IL20RB: variants seen among roughly 807,000 people sequenced by gnomAD.
IL20RB encodes interleukin 20 receptor subunit beta.
IL20RB carries 21 observed loss-of-function variants against 33.3 expected under a neutral mutation model. That is an observed-to-expected ratio of 0.63 (90% CI 0.45 to 0.91). The LOEUF (loss-of-function observed/expected upper bound fraction) is 0.91. Among genes scored for constraint, IL20RB ranks in the 40% least tolerant of loss-of-function variants. IL20RB has a pLI of 0.00. For synonymous variants in IL20RB, 147 were observed against 146.8 expected, an observed-to-expected ratio of 1.00 and a Z score of -0.01; for missense variants, 345 against 384.8, an observed-to-expected ratio of 0.90 and a Z score of 0.86.
Position 136,957,986 on chromosome 3 carries a change from AC to A in IL20RB, c.-127del, listed in dbSNP as rs1941087433. ...CTGAGCTTCCTGGGCCGGCTCTAGA[AC>A]AATTCAGGCTTCGCTGCGACTCAGA... On this transcript the variant is annotated 5_prime_UTR_variant, in exon 1 of 7. Coordinates refer to ENST00000329582, the MANE Select transcript of IL20RB (RefSeq NM_144717.4). 1.5e-6 allele frequency: 1 copy of A among 649,546 alleles called. No individual in the cohort carries two copies. Among genetic ancestry groups the A allele is most frequent in the Admixed American group, 2.7e-5 (1 of 36,934 alleles). The allele number at this position is 649,546 out of a possible 1,614,324, so 40.2% of individuals were successfully genotyped here.
chr3:136,995,111 G>T (rs1017154245), intron 5 of IL20RB, among the ~76,000 whole-genome samples: 8 of 152,180 alleles, frequency 5.3e-5, no homozygotes, highest in Non-Finnish European at 8.8e-5. Flanking sequence ...TGGCAGTGGT[G>T]CCAAGGTACG....
Position 136,992,013 on chromosome 3 carries a change from G to A in IL20RB, c.607G>A (p.Val203Met), listed in dbSNP as rs139222590. The change falls in exon 5 of 7, where the codon GTG (valine) becomes ATG (methionine). Residue 203 changes from valine to methionine, a missense_variant. Transcript: ENST00000329582. The stretch of plus-strand genomic sequence containing the variant: ...CATGGAGCCAGGGGCTGCATACTGT[G>A]TGAAGGCCCAGACATTCGTGAAGGC... The part of the protein sequence containing the change: ...ETMEPGAAYC[V>M]KAQTFVKAIG... 78 of 1,614,106 alleles carry A rather than the reference G, an allele frequency of 4.8e-5. No individual in the cohort carries two copies. The highest frequency in any genetic ancestry group is 6.4e-5 in the Non-Finnish European group (75 of 1,180,036).
intron 3 of IL20RB, among the ~76,000 whole-genome samples, chr3:136,986,530 G>A (rs537331705): frequency 6.6e-6 from 1 of 152,172 alleles, no homozygotes; most frequent in Admixed American, 6.5e-5. Flanking sequence ...GTGGTGCTAT[G>A]TGGTCATATG....
At chr3:136,973,938 T>C (rs1477588023) in intron 1 of IL20RB, among the ~76,000 whole-genome samples, 3 of 152,198 alleles carry the variant, frequency 2.0e-5, no homozygotes, top group Non-Finnish European at 2.9e-5. Flanking sequence ...TCCCTTTTAG[T>C]CCATATATGT....
At chr3:137,000,766 T>C (rs1266410742) in intron 6 of IL20RB, among the ~76,000 whole-genome samples, 1 of 152,232 alleles carries the variant, frequency 6.6e-6, no homozygotes, top group East Asian at 1.9e-4. Context: ...AAGCTCAGCC[T>C]TCCTCAGCTG....
chr3:136,989,542 T>G lies in IL20RB; in HGVS notation c.508T>G (p.Trp170Gly). Residue 170 changes from tryptophan (W) to glycine (G), a missense_variant, in exon 4 of 7, where the codon TGG (tryptophan) becomes GGG (glycine). Coordinates refer to ENST00000329582, the MANE Select transcript of IL20RB (RefSeq NM_144717.4). Reference protein sequence around the residue: ...GPQFEFLVAYWRREPGAEEHV... With the variant: ...GPQFEFLVAYGRREPGAEEHV... Reference sequence around the variant, plus strand: ...CCAGTTTGAGTTCCTTGTGGCCTACTGGAGGAGGGAGCCTGGTGCCGAGGT... The same window carrying G: ...CCAGTTTGAGTTCCTTGTGGCCTACGGGAGGAGGGAGCCTGGTGCCGAGGT... 6.2e-7 allele frequency: 1 copy of G among 1,613,978 alleles called. No individual in the cohort carries two copies. The highest frequency in any genetic ancestry group is 8.5e-7 in the Non-Finnish European group (1 of 1,179,910).
Position 136,977,602 on chromosome 3 carries a change from T to G in IL20RB, c.89-2864T>G, listed in dbSNP as rs141467529. On this transcript the variant is annotated intron_variant, in intron 1 of 6. Coordinates refer to ENST00000329582, the MANE Select transcript of IL20RB (RefSeq NM_144717.4). ...GTGCGGTGGTGCAATCTCAACTCAC[T>G]GCAACCTCCACCTCCTGGGTTCAAG... 6.1e-3 allele frequency among the ~76,000 whole-genome samples: 922 copies of G among 152,276 alleles called. 7 individuals carry two copies. Among genetic ancestry groups the G allele is most frequent in the Non-Finnish European group, 0.011 (719 of 68,004 alleles).
Position 136,982,368 on chromosome 3 carries a change from T to G in IL20RB, c.406+18T>G. 6.5e-7 allele frequency: 1 copy of G among 1,543,198 alleles called. No homozygotes were observed. The highest frequency in any genetic ancestry group is 8.8e-7 in the Non-Finnish European group (1 of 1,130,610). ...AAACTCAAGTAAGGCACTTCTCTCC[T>G]TACACTCCCACCCCAACCAGCCCCT... is the stretch of plus-strand genomic sequence containing the variant. On this transcript the variant is annotated intron_variant, in intron 3 of 6. Transcript: ENST00000329582.
At chr3:136,961,335 G>A (rs1941211163) in intron 1 of IL20RB, among the ~76,000 whole-genome samples, 1 of 152,064 alleles carries the variant, frequency 6.6e-6, no homozygotes, top group Non-Finnish European at 1.5e-5. Flanking sequence ...CTATTCTTTA[G>A]CCACCAGAAG....
chr3:136,971,486 C>A (rs927472938), intron 1 of IL20RB, among the ~76,000 whole-genome samples: 1 of 152,242 alleles, frequency 6.6e-6, no homozygotes, highest in Non-Finnish European at 1.5e-5. Context: ...CATCCTCCCA[C>A]TCCCACCCCA....
chr3:136,980,343 TG>T (rs1941738473), intron 1 of IL20RB, 122 bp from the exon 2 acceptor site: 1 of 1,055,754 alleles, frequency 9.5e-7, no homozygotes, highest in African/African-American at 1.6e-5. Flanking sequence ...TGGAGTGCAG[TG>T]GTGCAATCTC....
chr3:136,999,226 A>C lies in IL20RB; in HGVS notation c.825+3670A>C, dbSNP rs187754229. Among the ~76,000 whole-genome samples the C allele has an allele frequency of 2.0e-3, 300 of 152,100 alleles. 1 individual carries two copies. The highest frequency in any genetic ancestry group is 6.9e-3 in the African/African-American group (285 of 41,478). On this transcript the variant is annotated intron_variant, in intron 6 of 6. Coordinates refer to ENST00000329582, the MANE Select transcript of IL20RB (RefSeq NM_144717.4). ...ATCCTCCCACTTCAGCCTCTTGAGT[A>C]GTTGGGACTACAAGCATGTGACAGA...
At chr3:136,970,548 G>A (rs998948634) in intron 1 of IL20RB, among the ~76,000 whole-genome samples, 1 of 152,124 alleles carries the variant, frequency 6.6e-6, no homozygotes, top group African/African-American at 2.4e-5. Flanking sequence ...ATTACCATAA[G>A]TCCTGGAATT....
chr3:136,986,445 C>G (rs1463390722), intron 3 of IL20RB, among the ~76,000 whole-genome samples: 2 of 152,120 alleles, frequency 1.3e-5, no homozygotes, highest in Non-Finnish European at 2.9e-5. Flanking sequence ...AGACCCAATT[C>G]TGATGACATC....
intron 1 of IL20RB, among the ~76,000 whole-genome samples, chr3:136,976,160 C>T (rs567166476): frequency 5.3e-5 from 8 of 152,314 alleles, no homozygotes; most frequent in Admixed American, 5.2e-4. Context: ...ACTAAGGTGC[C>T]CAAGGTGCCC....
chr3:136,974,453 C>A (rs976148873), intron 1 of IL20RB, among the ~76,000 whole-genome samples: 2 of 152,094 alleles, frequency 1.3e-5, no homozygotes, highest in African/African-American at 4.8e-5. Flanking sequence ...CCTTTCAGCA[C>A]TTTAAATATA....
intron 6 of IL20RB, among the ~76,000 whole-genome samples, chr3:136,996,895 T>C (rs2108213895): frequency 1.3e-5 from 2 of 152,322 alleles, no homozygotes; most frequent in South Asian, 4.1e-4. Context: ...AGCAAGAACG[T>C]GAGGGTCTCA....
intron 1 of IL20RB, among the ~76,000 whole-genome samples, chr3:136,972,000 T>A (rs1431614204): frequency 6.6e-6 from 1 of 152,210 alleles, no homozygotes; most frequent in Non-Finnish European, 1.5e-5. Context: ...CAACGTTTGT[T>A]ATTTTTTGTC....
In IL20RB at chr3:137,001,178, T is replaced by C. The variant is rs546445114; in HGVS notation, c.825+5622T>C. 6.6e-5 allele frequency among the ~76,000 whole-genome samples: 10 copies of C among 152,324 alleles called. No homozygotes were observed. In the South Asian group the frequency reaches 2.1e-3, roughly 32 times the overall value. On this transcript the variant is annotated intron_variant, in intron 6 of 6. Transcript: ENST00000329582. Reference sequence around the variant, plus strand: ...GAAGACTCTGTGACAGTATGACCAATTTCATCCATGGCAGATAGACGTCAC... The same window carrying C: ...GAAGACTCTGTGACAGTATGACCAACTTCATCCATGGCAGATAGACGTCAC...
Sources: gnomAD v4.1 joint callset for allele counts (sites outside exome capture counted in the v4.1 genomes callset) on GRCh38, gnomAD v4.1.1 for gene constraint, MANE v1.5 for transcripts, NCBI Gene and HGNC (gene_info 2026-07-23, HGNC 2026-07-21) for gene names.